TRAPPC8: variants seen among roughly 807,000 people sequenced by gnomAD.
TRAPPC8 encodes general sporulation gene 1 homolog.
In TRAPPC8, 54 loss-of-function variants were observed where a neutral mutation model predicts 174.3. The observed-to-expected ratio is 0.31, with a 90% CI of 0.25 to 0.39. The LOEUF is 0.39. TRAPPC8 is among the 10% of genes least tolerant of loss of function. The pLI is 1.00. For missense variants in TRAPPC8, 1,531 were observed against 1,699.1 expected (o/e 0.90, Z 1.74); for synonymous variants, 630 against 579.9 (o/e 1.09, Z -1.24).
chr18:31,912,554 A>G (rs539206531), intron 5 of TRAPPC8, among the ~76,000 whole-genome samples: 14 of 152,098 alleles, frequency 9.2e-5, no homozygotes, highest in Admixed American at 2.6e-4. Context: ...CCAGTTACTC[A>G]GGAGGCTGAG....
intron 12 of TRAPPC8, among the ~76,000 whole-genome samples, chr18:31,882,778 G>A (rs1473160054): frequency 1.3e-5 from 2 of 151,370 alleles, no homozygotes. Flanking sequence ...TATCACGCCT[G>A]GCTAATTTTT....
At chr18:31,866,257 T>C (rs543679209) in intron 18 of TRAPPC8, among the ~76,000 whole-genome samples, 26 of 152,270 alleles carry the variant, frequency 1.7e-4, no homozygotes, top group African/African-American at 5.5e-4. Flanking sequence ...AATTACATGG[T>C]AATGTTAAAT....
chr18:31,836,612 G>T (rs12956638), intron 27 of TRAPPC8, among the ~76,000 whole-genome samples: 7 of 151,864 alleles, frequency 4.6e-5, no homozygotes, highest in African/African-American at 1.5e-4. Context: ...GGTTCAATAA[G>T]GATAAAACAC....
In TRAPPC8 at chr18:31,829,768, C is replaced by A. The variant is rs1406836653; in HGVS notation, c.*987G>T. 6.6e-6 allele frequency: 1 copy of A among 152,296 alleles called. No homozygotes were observed. The highest frequency in any genetic ancestry group is 1.5e-5 in the Non-Finnish European group (1 of 68,072). 9.4% of individuals were successfully genotyped at this position (152,296 alleles called of 1,614,324 possible). A position where few individuals can be genotyped will look rare whatever the true frequency, so the allele number is the denominator to read the frequency against. The stretch of plus-strand genomic sequence containing the variant: ...GTACTCCCTGCCACCCACTCCTACA[C>A]CCTGTCTTCCCTCCTTCTCCAATGA... On this transcript the variant is annotated 3_prime_UTR_variant, in exon 29 of 29. Coordinates refer to ENST00000283351, the MANE Select transcript of TRAPPC8 (RefSeq NM_014939.5).
intron 26 of TRAPPC8, among the ~76,000 whole-genome samples, chr18:31,842,247 C>T (rs976058195): frequency 5.9e-5 from 9 of 152,166 alleles, no homozygotes; most frequent in East Asian, 1.9e-4. Flanking sequence ...ACTATTTTCT[C>T]AGAGTTAAGT....
chr18:31,884,857 T>G (rs929406846), intron 12 of TRAPPC8, among the ~76,000 whole-genome samples: 6 of 150,580 alleles, frequency 4.0e-5, no homozygotes, highest in Admixed American at 2.0e-4. Flanking sequence ...AAATTAAGTT[T>G]TTTTTTTTTT....
At chr18:31,883,428 TAGAC>T (rs1386600078) in intron 12 of TRAPPC8, 1 of 152,190 alleles carries the variant, frequency 6.6e-6, no homozygotes, top group African/African-American at 2.4e-5. Context: ...AAAAAGAAGA[TAGAC>T]AGTAGAGTGG....
chr18:31,908,117 A>G (rs1297849512), intron 8 of TRAPPC8, among the ~76,000 whole-genome samples, 186 bp downstream of exon 8: 1 of 152,192 alleles, frequency 6.6e-6, no homozygotes, highest in East Asian at 1.9e-4. Flanking sequence ...TTGTTTTTAG[A>G]TGTCCAATTA....
chr18:31,936,313 T>A (rs1041879868), intron 1 of TRAPPC8, among the ~76,000 whole-genome samples: 2 of 151,618 alleles, frequency 1.3e-5, no homozygotes, highest in African/African-American at 4.8e-5. Flanking sequence ...ATTTTTTTTT[T>A]AATTAGCCAA....
chr18:31,904,044 T>C (rs1329390539), intron 9 of TRAPPC8, among the ~76,000 whole-genome samples: 1 of 152,168 alleles, frequency 6.6e-6, no homozygotes, highest in African/African-American at 2.4e-5. Context: ...AAGACAATCC[T>C]GGACAACATG....
chr18:31,936,606 A>G (rs2038107981), intron 1 of TRAPPC8, among the ~76,000 whole-genome samples: 1 of 151,976 alleles, frequency 6.6e-6, no homozygotes. Context: ...TTTCCAACTA[A>G]AAGAAATTTA....
chr18:31,880,340 G>T (rs939157668), intron 12 of TRAPPC8, among the ~76,000 whole-genome samples: 23 of 151,320 alleles, frequency 1.5e-4, no homozygotes, highest in African/African-American at 5.6e-4. Context: ...ATACAAGGAT[G>T]GTTCAATATT....
intron 11 of TRAPPC8, among the ~76,000 whole-genome samples, chr18:31,894,107 A>G (rs1242607892): frequency 6.6e-6 from 1 of 152,212 alleles, no homozygotes; most frequent in East Asian, 1.9e-4. Flanking sequence ...CATGGTATTA[A>G]TTTGGCTGAA....
intron 10 of TRAPPC8, among the ~76,000 whole-genome samples, chr18:31,899,414 A>G (rs750535444): frequency 6.6e-6 from 1 of 152,142 alleles, no homozygotes; most frequent in Non-Finnish European, 1.5e-5. Flanking sequence ...TATCTTATTA[A>G]TGATGTTGTT....
At chr18:31,859,789 G>C (rs2034228993) in intron 19 of TRAPPC8, among the ~76,000 whole-genome samples, 1 of 152,062 alleles carries the variant, frequency 6.6e-6, no homozygotes, top group Non-Finnish European at 1.5e-5. Flanking sequence ...TTTGGGAGGT[G>C]GGCAGATCAC....
At chr18:31,890,638 TTA>T in intron 12 of TRAPPC8, 95 bp downstream of exon 12, 3 of 1,414,100 alleles carry the variant, frequency 2.1e-6, no homozygotes, top group South Asian at 2.6e-5. Flanking sequence ...AGAACAAAAT[TTA>T]GTTTTTAAGA....
chr18:31,868,346 CAG>C (rs749908056), intron 16 of TRAPPC8, among the ~76,000 whole-genome samples: 53 of 152,268 alleles, frequency 3.5e-4, no homozygotes, highest in East Asian at 7.7e-4. Context: ...TGAAAAAATC[CAG>C]AGTTTGCAAT....
chr18:31,860,138 C>T (rs570467784), intron 19 of TRAPPC8, among the ~76,000 whole-genome samples: 38 of 152,248 alleles, frequency 2.5e-4, no homozygotes, highest in South Asian at 8.3e-4. Flanking sequence ...ACCAAGAACT[C>T]ACTATCTCAC....
chr18:31,854,040 A>T (rs1819152567), intron 21 of TRAPPC8, 95 bp from the exon 22 acceptor site: 1 of 891,772 alleles, frequency 1.1e-6, no homozygotes, highest in Non-Finnish European at 1.7e-6. Flanking sequence ...TACCAAAGTC[A>T]ATGTCAATTA....
Sources: allele counts gnomAD v4.1 joint callset (sites outside exome capture counted in the v4.1 genomes callset), GRCh38; gene constraint gnomAD v4.1.1; transcripts MANE v1.5; gene names NCBI Gene and HGNC (gene_info 2026-07-23, HGNC 2026-07-21).